Variants in SPTBN5 observed in about 807,000 individuals in gnomAD.
SPTBN5 encodes spectrin beta, non-erythrocytic 5, also known as spectrin beta chain, non-erythrocytic 5.
A neutral mutation model predicts 477.6 loss-of-function variants in SPTBN5; 513 were observed. That is an observed-to-expected ratio of 1.07 (90% confidence interval 1.00 to 1.16). SPTBN5 has a LOEUF of 1.16. SPTBN5 is among the 50% of genes most tolerant of loss of function. SPTBN5 has a pLI of 0.00. For missense variants in SPTBN5, 5,062 were observed against 4,731.8 expected (o/e 1.07, Z -2.05); for synonymous variants, 2,169 against 2,011.7 (o/e 1.08, Z -2.09).
chr15:41,848,492 C>G lies in SPTBN5; in HGVS notation c.*124G>C, dbSNP rs1384903410. The G allele has an allele frequency of 2.7e-6, 3 of 1,123,230 alleles. No homozygotes were observed. The highest frequency in any genetic ancestry group is 4.1e-6 in the Non-Finnish European group (3 of 734,422). The allele number at this position is 1,123,230 out of a possible 1,614,324, so 69.6% of individuals were successfully genotyped here. A position where few individuals can be genotyped will look rare whatever the true frequency, so the allele number is the denominator to read the frequency against. On this transcript the variant is annotated 3_prime_UTR_variant, in exon 68 of 68. Transcript: ENST00000320955. ...GAACTGTCTATTCCAGAAGCTGGGC[C>G]TGGGGAACTGGGTTGAAGCAGCCAC...
Position 41,876,932 on chromosome 15 carries a change from G to A in SPTBN5, c.3728C>T (p.Ala1243Val). The change falls in exon 19 of 68, where the codon GCC (alanine) becomes GTC (valine). Residue 1243 changes from alanine (A) to valine (V), a missense_variant. Coordinates refer to ENST00000320955, the MANE Select transcript of SPTBN5 (RefSeq NM_016642.4). ...LDNLGEDVRE[A>V]LSLLQQHREF... is the part of the protein sequence containing the mutation. Reference sequence around the variant, plus strand: ...CCGGTGCTGCTGCAGCAGGCTCAGGGCCTCCCTCACGTCCTCCTGGGAGTG... The same window carrying A: ...CCGGTGCTGCTGCAGCAGGCTCAGGACCTCCCTCACGTCCTCCTGGGAGTG... 2 of 1,608,664 alleles carry A rather than the reference G, an allele frequency of 1.2e-6. No homozygotes were observed. The highest frequency in any genetic ancestry group is 1.7e-6 in the Non-Finnish European group (2 of 1,178,850).
chr15:41,886,112 G>T lies in SPTBN5; in HGVS notation c.1143C>A (p.Asn381Lys), dbSNP rs775028604. 5.0e-6 allele frequency: 8 copies of T among 1,610,282 alleles called. No homozygotes were observed. The East Asian group carries it at 1.8e-4, about 36-fold the overall frequency. The change falls in exon 7 of 68, where the codon AAC becomes AAA. Residue 381 changes from asparagine (N) to lysine (K), a missense_variant. Coordinates refer to ENST00000320955, the MANE Select transcript of SPTBN5 (RefSeq NM_016642.4). ...FRLQTALQAQ[N>K]RRPFLPHEGL... ...CCTCATGAGGCAGGAAGGGCCTGCG[G>T]TTCTGGGCTTGGAGTGCTGTCTGTA...
chr15:41,889,883 C>A (rs1019859900), intron 4 of SPTBN5, among the ~76,000 whole-genome samples: 1 of 152,226 alleles, frequency 6.6e-6, no homozygotes, highest in African/African-American at 2.4e-5. Context: ...CCCTGGCCCT[C>A]ACTTTAGCAT....
chr15:41,874,129 T>A, intron 24 of SPTBN5, 84 bp from the exon 25 acceptor site: 1 of 1,516,130 alleles, frequency 6.6e-7, no homozygotes, highest in Non-Finnish European at 8.9e-7. Context: ...CAGGCCCCAA[T>A]CATGGCAAGA....
intron 6 of SPTBN5, among the ~76,000 whole-genome samples, chr15:41,886,746 C>T (rs908562514): frequency 1.3e-5 from 2 of 152,206 alleles, no homozygotes; most frequent in African/African-American, 2.4e-5. Context: ...ACCCACACCC[C>T]AAATGAGATA....
intron 12 of SPTBN5, 98 bp downstream of exon 12, chr15:41,881,838 G>T: frequency 8.3e-7 from 1 of 1,209,546 alleles, no homozygotes; most frequent in Non-Finnish European, 1.1e-6. Flanking sequence ...CGAATCCTGG[G>T]CCAGAGGCCA....
At chr15:41,858,821 G>A (rs781670865) in intron 48 of SPTBN5, 69 bp downstream of exon 48, 3 of 1,554,580 alleles carry the variant, frequency 1.9e-6, no homozygotes, top group Non-Finnish European at 2.6e-6. Context: ...TACCCCAGAG[G>A]AAGGGTGGCC....
At chr15:41,870,184 C>T in intron 31 of SPTBN5, 59 bp downstream of exon 31, 1 of 1,512,326 alleles carries the variant, frequency 6.6e-7, no homozygotes, top group South Asian at 1.2e-5. Flanking sequence ...GAGGAACAGG[C>T]AGGCCAGCCT....
chr15:41,854,283 G>A (rs774983943), intron 56 of SPTBN5, 78 bp from the exon 57 acceptor site: 47 of 1,498,358 alleles, frequency 3.1e-5, no homozygotes, highest in South Asian at 2.3e-4. Flanking sequence ...ATGGCCTTCT[G>A]GGCCACCTCC....
At chr15:41,874,195 G>A in intron 24 of SPTBN5, 97 bp downstream of exon 24, 1 of 1,507,360 alleles carries the variant, frequency 6.6e-7, no homozygotes, top group Non-Finnish European at 9.0e-7. Flanking sequence ...ACCCAGGGGT[G>A]AGGGCTTAGA....
At chr15:41,876,491 A>T in intron 20 of SPTBN5, 57 bp downstream of exon 20, 1 of 1,471,092 alleles carries the variant, frequency 6.8e-7, no homozygotes, top group Non-Finnish European at 9.3e-7. Context: ...AGAGCTCTGT[A>T]CGGTCTCAGG....
At position 41,853,101 on chromosome 15, in the gene SPTBN5, G is replaced by A. The variant is rs892498055; in HGVS notation, c.10171-101C>T. On this transcript the variant is annotated intron_variant, in intron 59 of 67. Transcript: ENST00000320955. ...AGTGTTAATGGAAGTGCAGAGGGAA[G>A]GCTGTGAGACCCGCACCTGCCCCTT... 40 of 1,433,700 alleles carry A rather than the reference G, an allele frequency of 2.8e-5. No homozygotes were observed. The African/African-American group carries it at 5.3e-4, about 19-fold the overall frequency. 88.8% of individuals were successfully genotyped at this position (1,433,700 alleles called of 1,614,324 possible).
intron 63 of SPTBN5, among the ~76,000 whole-genome samples, 197 bp downstream of exon 63, chr15:41,851,582 G>GGCGGGGA (rs1449514409): frequency 6.1e-4 from 6 of 9,760 alleles, no homozygotes; most frequent in African/African-American, 1.5e-3. Flanking sequence ...AGCACCTCCT[G>GGCGGGGA]GTGGGGGTGG....
chr15:41,868,510 AG>A lies in SPTBN5; in HGVS notation c.5944del (p.Leu1982SerfsTer91), dbSNP rs2066418000. On this transcript the variant is annotated frameshift_variant, in exon 33 of 68. Coordinates refer to ENST00000320955, the MANE Select transcript of SPTBN5 (RefSeq NM_016642.4). LOFTEE classifies it high-confidence loss of function. ...SQEPSSGPLKLSAHQWLRAEL... is the reference protein window; with the variant it reads ...SQEPSSGPLKXSAHQWLRAEL... ...CGCCCGGAGCCACTGGTGGGCACTG[AG>A]CTTCAGCGGGCCACTGCTAGGCTCT... The A allele has an allele frequency of 2.5e-6, 4 of 1,610,476 alleles. No individual in the cohort carries two copies. The highest frequency in any genetic ancestry group is 3.4e-6 in the Non-Finnish European group (4 of 1,179,756).
At chr15:41,856,799 G>C (rs948132498) in intron 52 of SPTBN5, 54 bp downstream of exon 52, 4 of 1,489,746 alleles carry the variant, frequency 2.7e-6, no homozygotes, top group Non-Finnish European at 3.6e-6. Context: ...CCATTTCCTT[G>C]GCTGAGAAGC....
Position 41,862,156 on chromosome 15 carries a change from T to C in SPTBN5, c.7522A>G (p.Met2508Val). ...APRSPVEARRMLEEHQECKAE... is the reference protein window; with the variant it reads ...APRSPVEARRVLEEHQECKAE... ...TTGCACTCCTGATGCTCTTCTAACA[T>C]ACGCCGGGCTTCCACAGGGCTGCGA... The change falls in exon 44 of 68, where the codon ATG (methionine) becomes GTG (valine). Residue 2508 changes from methionine (M) to valine (V), a missense_variant. Physicochemically the swap from Met to Val is conservative, Grantham distance 21. Transcript: ENST00000320955. The C allele has an allele frequency of 6.3e-7, 1 of 1,596,302 alleles. No individual in the cohort carries two copies. Among genetic ancestry groups the C allele is most frequent in the Non-Finnish European group, 8.5e-7 (1 of 1,169,774 alleles).
chr15:41,881,351 G>A, intron 12 of SPTBN5, 117 bp from the exon 13 acceptor site: 1 of 811,958 alleles, frequency 1.2e-6, no homozygotes, highest in Non-Finnish European at 1.9e-6. Context: ...TAGCTCAAAG[G>A]GTGTGTGGGA....
intron 17 of SPTBN5, among the ~76,000 whole-genome samples, 172 bp from the exon 18 acceptor site, chr15:41,877,528 C>T (rs972079978): frequency 7.2e-5 from 11 of 152,260 alleles, no homozygotes; most frequent in Admixed American, 6.5e-4. Flanking sequence ...CGGCTCCAGC[C>T]GGCCGTCCTT....
In SPTBN5 at chr15:41,893,054, A is replaced by G. The variant is rs772138478; in HGVS notation, c.224T>C (p.Ile75Thr). Reference protein sequence around the residue: ...NNVFQCGQAGIKIRNLYTELA... With the variant: ...NNVFQCGQAGTKIRNLYTELA... The stretch of plus-strand genomic sequence containing the variant: ...CTCTGTGTACAGGTTCCGGATCTTG[A>G]TGCCCGCCTGGGGAGGGGACAGGGG... The change falls in exon 3 of 68, where the codon ATC becomes ACC. Residue 75 changes from isoleucine to threonine, a missense_variant. By Grantham distance (89) the Ile-to-Thr change is moderately conservative. Coordinates refer to ENST00000320955, the MANE Select transcript of SPTBN5 (RefSeq NM_016642.4). 3 of 1,610,972 alleles carry G rather than the reference A, an allele frequency of 1.9e-6. No individual in the cohort carries two copies. Among genetic ancestry groups the G allele is most frequent in the Non-Finnish European group, 2.5e-6 (3 of 1,179,724 alleles).
Sources: gnomAD v4.1 joint callset for allele counts (sites outside exome capture counted in the v4.1 genomes callset) on GRCh38, gnomAD v4.1.1 for gene constraint, MANE v1.5 for transcripts, NCBI Gene and HGNC (gene_info 2026-07-23, HGNC 2026-07-21) for gene names.